The following AFG1L variants were observed in gnomAD, a reference collection of about 807,000 sequenced individuals.
AFG1L encodes the protein AFG1 like ATPase.
AFG1L carries 53 observed loss-of-function variants against 62.2 expected under a neutral mutation model. That is an observed-to-expected ratio of 0.85 (90% confidence interval 0.68 to 1.07). The LOEUF is 1.07. Ranked by LOEUF, AFG1L falls within the 50% of genes least tolerant of loss-of-function variation. The pLI, the probability that AFG1L is intolerant of heterozygous loss-of-function variation, is 0.00. For missense variants in AFG1L, 555 were observed against 590.5 expected (o/e 0.94, Z 0.62); for synonymous variants, 228 against 210.3 (o/e 1.08, Z -0.73).
intron 2 of AFG1L, among the ~76,000 whole-genome samples, chr6:108,340,263 T>A (rs1778630500): frequency 6.6e-6 from 1 of 152,142 alleles, no homozygotes; most frequent in African/African-American, 2.4e-5. Context: ...ATAGGACTCT[T>A]GTGTATTCTT....
intron 6 of AFG1L, among the ~76,000 whole-genome samples, chr6:108,378,139 A>G (rs1316630920): frequency 7.0e-6 from 1 of 143,866 alleles, no homozygotes; most frequent in Non-Finnish European, 1.5e-5. Context: ...TTTCAATTTT[A>G]TTTTGAAATT....
Position 108,524,094 on chromosome 6 carries a change from A to G in AFG1L, c.*1669A>G, listed in dbSNP as rs1775233582. On this transcript the variant is annotated 3_prime_UTR_variant, in exon 13 of 13. Transcript: ENST00000368977. ...CTACAAAACTCATATACTATATTTT[A>G]TAACACACTGTCTCTTACTCTTACT... 1 of 152,204 alleles carries G rather than the reference A, an allele frequency of 6.6e-6. No individual in the cohort carries two copies. Among genetic ancestry groups the G allele is most frequent in the African/African-American group, 2.4e-5 (1 of 41,456 alleles). 9.4% of individuals were successfully genotyped at this position (152,204 alleles called of 1,614,324 possible). A position where few individuals can be genotyped will look rare whatever the true frequency, so the allele number is the denominator to read the frequency against.
intron 6 of AFG1L, among the ~76,000 whole-genome samples, chr6:108,389,653 A>C (rs1046653661): frequency 1.1e-4 from 16 of 152,126 alleles, no homozygotes; most frequent in African/African-American, 3.9e-4. Context: ...GTTTGGCTGG[A>C]TATGAAATTC....
At chr6:108,394,763 C>G (rs1353056792) in intron 6 of AFG1L, among the ~76,000 whole-genome samples, 1 of 152,134 alleles carries the variant, frequency 6.6e-6, no homozygotes, top group Non-Finnish European at 1.5e-5. Context: ...GTTTGGTTAT[C>G]CCAAATAAAG....
chr6:108,357,058 T>TAC (rs1012354357), intron 5 of AFG1L, among the ~76,000 whole-genome samples: 11 of 151,774 alleles, frequency 7.2e-5, no homozygotes, highest in African/African-American at 2.7e-4. Context: ...TATACACACA[T>TAC]ACACACACAC....
At chr6:108,314,808 T>C (rs1016867565) in intron 1 of AFG1L, among the ~76,000 whole-genome samples, 1 of 151,964 alleles carries the variant, frequency 6.6e-6, no homozygotes, top group African/African-American at 2.4e-5. Context: ...CTGCCTTACT[T>C]ACCATGGCTT....
chr6:108,328,002 G>GACCA (rs1463219812), intron 2 of AFG1L, among the ~76,000 whole-genome samples: 11 of 152,192 alleles, frequency 7.2e-5, no homozygotes, highest in Non-Finnish European at 1.6e-4. Flanking sequence ...CACCATGAGT[G>GACCA]ACCAGTCCAG....
intron 1 of AFG1L, among the ~76,000 whole-genome samples, chr6:108,304,008 A>G (rs1326085497): frequency 2.0e-5 from 3 of 151,996 alleles, no homozygotes; most frequent in Non-Finnish European, 4.4e-5. Context: ...TTAAAGTACA[A>G]TTTTTTTTCC....
intron 7 of AFG1L, among the ~76,000 whole-genome samples, chr6:108,411,571 A>C (rs371998974): frequency 6.6e-6 from 1 of 152,182 alleles, no homozygotes; most frequent in Admixed American, 6.5e-5. Context: ...CAGAGGAAGG[A>C]TCAGGCAGCA....
At position 108,494,360 on chromosome 6, in the gene AFG1L, G is replaced by C. The variant is rs541773207; in HGVS notation, c.1063-15852G>C. Among the ~76,000 whole-genome samples, 4 of 152,126 alleles carry C rather than the reference G, an allele frequency of 2.6e-5. No individual in the cohort carries two copies. In the East Asian group the frequency reaches 7.7e-4, roughly 29 times the overall value. ...TACACAAAGCTGGTCGAGTAGAGTA[G>C]AGGAGTGTACCCTCCTCTAGTTTGT... On this transcript the variant is annotated intron_variant, in intron 10 of 12. Coordinates refer to ENST00000368977, the MANE Select transcript of AFG1L (RefSeq NM_145315.5).
chr6:108,394,724 T>C (rs1008005392), intron 6 of AFG1L, among the ~76,000 whole-genome samples: 1 of 152,226 alleles, frequency 6.6e-6, no homozygotes, highest in African/African-American at 2.4e-5. Flanking sequence ...TCCATTCCCC[T>C]GATGATGGAT....
chr6:108,314,186 G>A (rs1329982027), intron 1 of AFG1L, among the ~76,000 whole-genome samples: 2 of 151,780 alleles, frequency 1.3e-5, no homozygotes, highest in East Asian at 2.0e-4. Flanking sequence ...AGCTGAGATC[G>A]CTCCATTGTA....
chr6:108,492,768 A>G (rs761144699), intron 10 of AFG1L, among the ~76,000 whole-genome samples: 7 of 152,016 alleles, frequency 4.6e-5, no homozygotes, highest in Non-Finnish European at 1.0e-4. Flanking sequence ...GCTAATATTC[A>G]GAGTAATTTC....
At chr6:108,520,117 G>T in intron 12 of AFG1L, 1 of 234,010 alleles carries the variant, frequency 4.3e-6, no homozygotes, top group South Asian at 6.1e-5. Context: ...GCAGGCCAGA[G>T]CTGGATGCCA....
intron 6 of AFG1L, among the ~76,000 whole-genome samples, chr6:108,394,322 T>G (rs1781198088): frequency 6.6e-6 from 1 of 152,060 alleles, no homozygotes; most frequent in Non-Finnish European, 1.5e-5. Context: ...TAATCTTGTT[T>G]TTTTTTAGTA....
rs183359452 is a variant in AFG1L, at chr6:108,364,812, T to G, written c.649-1421T>G. 2.0e-5 allele frequency among the ~76,000 whole-genome samples: 3 copies of G among 149,500 alleles called. No homozygotes were observed. The East Asian group carries it at 5.9e-4, about 29-fold the overall frequency. The stretch of plus-strand genomic sequence containing the variant: ...AATCACCATTTTGAAGTTCCTGAAG[T>G]CTTTTTAATGTAAGGAATCTTTAGC... On this transcript the variant is annotated intron_variant, in intron 5 of 12. Transcript: ENST00000368977.
At position 108,366,249 on chromosome 6, in the gene AFG1L, A is replaced by C. The variant is rs1376263892; in HGVS notation, c.665A>C (p.Asp222Ala). The change falls in exon 6 of 13, where the codon GAT becomes GCT. Residue 222 changes from aspartate (D) to alanine (A), a missense_variant. By Grantham distance (126) the Asp-to-Ala change is moderately radical. Coordinates refer to ENST00000368977, the MANE Select transcript of AFG1L (RefSeq NM_145315.5). The stretch of plus-strand genomic sequence containing the variant: ...TGTCAATAGGTCACTGACATTGCTG[A>C]TGCCATGATTCTGAAACAGCTTTTT... ...FDEFQVTDIA[D>A]AMILKQLFEN... is the part of the protein sequence containing the mutation. 1 of 1,608,120 alleles carries C rather than the reference A, an allele frequency of 6.2e-7. No individual in the cohort carries two copies. The highest frequency in any genetic ancestry group is 2.2e-5 in the East Asian group (1 of 44,818).
chr6:108,424,755 C>T (rs1316498415), intron 7 of AFG1L, among the ~76,000 whole-genome samples: 2 of 151,920 alleles, frequency 1.3e-5, no homozygotes, highest in African/African-American at 4.8e-5. Context: ...TACGTTTTCT[C>T]CCTCTGTGAT....
intron 1 of AFG1L, among the ~76,000 whole-genome samples, chr6:108,296,370 C>A (rs1776766901): frequency 6.6e-6 from 1 of 151,996 alleles, no homozygotes; most frequent in African/African-American, 2.4e-5. Flanking sequence ...TTTTGGTAGT[C>A]AATAAAAGCA....
Sources: allele counts gnomAD v4.1 joint callset (sites outside exome capture counted in the v4.1 genomes callset), GRCh38; gene constraint gnomAD v4.1.1; transcripts MANE v1.5; gene names NCBI Gene and HGNC (gene_info 2026-07-23, HGNC 2026-07-21).